ZFAT: variants seen among roughly 807,000 people sequenced by gnomAD.
ZFAT encodes the protein zinc finger protein ZFAT.
Under a neutral mutation model 117.7 loss-of-function variants are expected in ZFAT, and 64 were observed. The observed-to-expected ratio is 0.54, with a 90% CI of 0.44 to 0.67. The LOEUF (loss-of-function observed/expected upper bound fraction) is 0.67. Ranked by LOEUF, ZFAT falls within the 30% of genes least tolerant of loss-of-function variation. The probability of loss-of-function intolerance (pLI) is 0.00; values close to 1 mark genes in which losing one functional copy is unlikely to be tolerated. For synonymous variants in ZFAT, 679 were observed against 615.0 expected, an observed-to-expected ratio of 1.10 and a Z score of -1.54; for missense variants, 1,433 against 1,584.5, an observed-to-expected ratio of 0.90 and a Z score of 1.62.
At chr8:134,679,102 C>G (rs1197343268) in intron 1 of ZFAT, among the ~76,000 whole-genome samples, 1 of 152,148 alleles carries the variant, frequency 6.6e-6, no homozygotes, top group East Asian at 1.9e-4. Context: ...TCTAATTAAA[C>G]TAAAGACCTT....
chr8:134,639,811 C>T (rs1027341682), intron 2 of ZFAT: 2 of 456,198 alleles, frequency 4.4e-6, no homozygotes, highest in Non-Finnish European at 8.8e-6. Flanking sequence ...AAACAGGGTG[C>T]CTAAGAGTTT....
chr8:134,634,493 G>GGAGAAAT (rs61242766), intron 3 of ZFAT, among the ~76,000 whole-genome samples: 109,755 of 151,862 alleles, frequency 0.72, 40,008 homozygotes, highest in East Asian at 0.91. Flanking sequence ...AGCTTTCTGG[G>GGAGAAAT]CGCAATATTA....
chr8:134,696,577 C>T (rs1218890118), intron 1 of ZFAT: 63 of 986,082 alleles, frequency 6.4e-5, no homozygotes, highest in East Asian at 1.1e-4. Context: ...CCCTACCATC[C>T]TAGTTATCCC....
the ZFAT span, among the ~76,000 whole-genome samples, chr8:134,753,157 C>T: frequency 6.6e-6 from 1 of 151,966 alleles, no homozygotes; most frequent in Admixed American, 6.6e-5. Flanking sequence ...GGTGTGATCG[C>T]ACCACTGCAC....
chr8:134,819,160 A>T, the ZFAT span, among the ~76,000 whole-genome samples: 1 of 152,192 alleles, frequency 6.6e-6, no homozygotes, highest in African/African-American at 2.4e-5. Flanking sequence ...AACAAACAAA[A>T]GCCAGGTTAC....
intron 2 of ZFAT, among the ~76,000 whole-genome samples, chr8:134,641,548 C>T (rs775666033): frequency 1.3e-5 from 2 of 152,182 alleles, no homozygotes; most frequent in South Asian, 4.1e-4. Flanking sequence ...GCCACACACA[C>T]GTAGGGTGTG....
At chr8:134,771,306 T>C in the ZFAT span, among the ~76,000 whole-genome samples, 116,312 of 152,130 alleles carry the variant, frequency 0.76, 44,981 homozygotes, top group African/African-American at 0.88. Context: ...AAAGAACCTA[T>C]GTGAATATCA....
intron 2 of ZFAT, among the ~76,000 whole-genome samples, chr8:134,646,304 T>C (rs942091759): frequency 7.2e-5 from 11 of 152,046 alleles, no homozygotes; most frequent in Non-Finnish European, 1.6e-4. Context: ...GAAAATTAAA[T>C]GGTACTCTTA....
intron 2 of ZFAT, among the ~76,000 whole-genome samples, chr8:134,647,867 A>C (rs1830991845): frequency 6.6e-6 from 1 of 152,176 alleles, no homozygotes; most frequent in South Asian, 2.1e-4. Context: ...AAATGGAAAG[A>C]TATCCCACAT....
At chr8:134,752,089 G>C in the ZFAT span, among the ~76,000 whole-genome samples, 56,721 of 151,998 alleles carry the variant, frequency 0.37, 10,645 homozygotes, top group Admixed American at 0.44. Context: ...TAAGATCTCC[G>C]TTAACTTTGT....
At chr8:134,691,203 G>A (rs1312358121) in intron 1 of ZFAT, among the ~76,000 whole-genome samples, 1 of 152,262 alleles carries the variant, frequency 6.6e-6, no homozygotes, top group Admixed American at 6.5e-5. Context: ...ACCATGCTAG[G>A]CTAGTACAGC....
the ZFAT span, among the ~76,000 whole-genome samples, chr8:134,814,337 C>G: frequency 0.66 from 99,780 of 152,136 alleles, 34,709 homozygotes; most frequent in African/African-American, 0.9. Flanking sequence ...CAAAATACAA[C>G]GCTTAATAAA....
intron 1 of ZFAT, among the ~76,000 whole-genome samples, chr8:134,693,585 TTACA>T (rs1189638374): frequency 6.6e-6 from 1 of 150,778 alleles, no homozygotes; most frequent in African/African-American, 2.5e-5. Context: ...TATACCTTAC[TTACA>T]TACAATTTTT....
In ZFAT at chr8:134,587,298, C is replaced by T. The variant is rs77593732; in HGVS notation, c.2713+948G>A. ...AGAGTGTTCATTATATGCTGGTAAACAAAAAAGTAGCTTCCAACCTTGGAA... is the reference window on the plus strand; with the variant it reads ...AGAGTGTTCATTATATGCTGGTAAATAAAAAAGTAGCTTCCAACCTTGGAA... On this transcript the variant is annotated intron_variant, in intron 9 of 15. Coordinates refer to ENST00000377838, the MANE Select transcript of ZFAT (RefSeq NM_020863.4). Among the ~76,000 whole-genome samples the T allele has an allele frequency of 2.9e-3, 436 of 152,210 alleles. 4 individuals are homozygous for T. The highest frequency in any genetic ancestry group is 0.01 in the African/African-American group (419 of 41,536).
At chr8:134,696,472 G>C (rs1311811135) in intron 1 of ZFAT, 1 of 985,534 alleles carries the variant, frequency 1.0e-6, no homozygotes, top group Non-Finnish European at 1.2e-6. Flanking sequence ...GGGATGCTGG[G>C]CGCCTCCGCC....
At chr8:134,521,032 AT>A in intron 12 of ZFAT, 31 bp from the exon 13 acceptor site, 1 of 1,511,454 alleles carries the variant, frequency 6.6e-7, no homozygotes, top group Non-Finnish European at 9.1e-7. Context: ...TAAAAAAAAA[AT>A]GTGTTCGTAA....
At chr8:134,720,377 T>C in the ZFAT span, among the ~76,000 whole-genome samples, 3 of 152,174 alleles carry the variant, frequency 2.0e-5, no homozygotes, top group Non-Finnish European at 2.9e-5. Flanking sequence ...AGGGAGGGTT[T>C]TGAGAGTTGA....
chr8:134,792,035 T>C, the ZFAT span: 1 of 152,180 alleles, frequency 6.6e-6, no homozygotes, highest in Non-Finnish European at 1.5e-5. Flanking sequence ...AAAATGTTTA[T>C]TTAGCAAAAA....
chr8:134,496,445 G>A (rs1818440338), intron 15 of ZFAT, among the ~76,000 whole-genome samples: 1 of 152,174 alleles, frequency 6.6e-6, no homozygotes. Flanking sequence ...TGTCCATCCG[G>A]GGCAGGGGAG....
Sources: gnomAD v4.1 joint callset for allele counts (sites outside exome capture counted in the v4.1 genomes callset) on GRCh38, gnomAD v4.1.1 for gene constraint, MANE v1.5 for transcripts, NCBI Gene and HGNC (gene_info 2026-07-23, HGNC 2026-07-21) for gene names.